The following PPP2R2C variants were observed in gnomAD, a reference collection of about 807,000 sequenced individuals.
PPP2R2C encodes protein phosphatase 2 regulatory subunit Bgamma.
A neutral mutation model predicts 45.3 loss-of-function variants in PPP2R2C; 10 were observed. The observed-to-expected ratio is 0.22, with a 90% CI of 0.14 to 0.37. PPP2R2C has a LOEUF of 0.37. Ranked by LOEUF, PPP2R2C falls within the 10% of genes least tolerant of loss-of-function variation. PPP2R2C has a pLI of 1.00. For synonymous variants in PPP2R2C, 257 were observed against 245.4 expected (o/e 1.05, Z -0.44); for missense variants, 308 against 619.7 (o/e 0.50, Z 5.34).
chr4:6,530,214 C>T (rs1048722215), intron 2 of PPP2R2C, among the ~76,000 whole-genome samples: 1 of 152,092 alleles, frequency 6.6e-6, no homozygotes, highest in African/African-American at 2.4e-5. Flanking sequence ...AGGTACACAC[C>T]GTGAAAAAGC....
chr4:6,419,018 A>G (rs573327550), intron 1 of PPP2R2C, among the ~76,000 whole-genome samples: 2 of 152,362 alleles, frequency 1.3e-5, no homozygotes, highest in African/African-American at 4.8e-5. Context: ...GTGCCCACTC[A>G]GCTTCGCATG....
chr4:6,479,180 G>C (rs1722265842), intron 2 of PPP2R2C, among the ~76,000 whole-genome samples: 1 of 152,204 alleles, frequency 6.6e-6, no homozygotes, highest in African/African-American at 2.4e-5. Flanking sequence ...CCAGGTCTGT[G>C]ATTCCAGGGC....
At chr4:6,414,688 G>T (rs1388174006) in intron 1 of PPP2R2C, among the ~76,000 whole-genome samples, 2 of 151,982 alleles carry the variant, frequency 1.3e-5, no homozygotes, top group Non-Finnish European at 2.9e-5. Context: ...GGGAACTCTT[G>T]TTGGGCTCCT....
intron 4 of PPP2R2C, among the ~76,000 whole-genome samples, chr4:6,372,958 C>T (rs1714974985): frequency 6.6e-6 from 1 of 152,250 alleles, no homozygotes; most frequent in Admixed American, 6.5e-5. Flanking sequence ...ATTTCCTCAA[C>T]TCTAAAATGA....
intron 1 of PPP2R2C, among the ~76,000 whole-genome samples, chr4:6,553,046 G>A (rs983527034): frequency 6.6e-6 from 1 of 152,220 alleles, no homozygotes; most frequent in African/African-American, 2.4e-5. Flanking sequence ...AGCATTTGGG[G>A]CACATAGGGA....
chr4:6,549,329 G>A (rs1012585207), intron 1 of PPP2R2C, among the ~76,000 whole-genome samples: 5 of 148,948 alleles, frequency 3.4e-5, no homozygotes, highest in African/African-American at 1.2e-4. Flanking sequence ...CACAGAACAC[G>A]CCAGGCTCAT....
At position 6,413,905 on chromosome 4, in the gene PPP2R2C, G is replaced by A. The variant is rs555814058; in HGVS notation, c.71-32811C>T. 128 of 1,536,060 alleles carry A rather than the reference G, an allele frequency of 8.3e-5. No individual in the cohort carries two copies. In the East Asian group the frequency reaches 1.4e-3, roughly 17 times the overall value. On this transcript the variant is annotated intron_variant, in intron 1 of 8. Transcript: ENST00000382599. ...GATGCCCCACAGCCCCTGCTCACCC[G>A]TGTCTCTCTTTCCCATCAGCGTCTT...
intron 6 of PPP2R2C, among the ~76,000 whole-genome samples, chr4:6,335,523 G>A (rs1012613573): frequency 6.6e-5 from 10 of 152,146 alleles, no homozygotes; most frequent in Non-Finnish European, 1.2e-4. Context: ...CATGGGCCAC[G>A]GAGAGGGGTG....
chr4:6,446,009 C>T (rs1720397225), intron 1 of PPP2R2C, among the ~76,000 whole-genome samples: 1 of 152,228 alleles, frequency 6.6e-6, no homozygotes, highest in Non-Finnish European at 1.5e-5. Context: ...CTTCCTGGTG[C>T]ACATGGGTGT....
At chr4:6,343,562 C>CA (rs958350241) in intron 6 of PPP2R2C, among the ~76,000 whole-genome samples, 10 of 151,846 alleles carry the variant, frequency 6.6e-5, no homozygotes, top group African/African-American at 2.4e-4. Context: ...ACTAAAAATA[C>CA]AAAAAAAATT....
chr4:6,536,328 A>G (rs944073905), intron 1 of PPP2R2C, among the ~76,000 whole-genome samples: 1 of 152,270 alleles, frequency 6.6e-6, no homozygotes, highest in Admixed American at 6.5e-5. Context: ...TTTCCTCACT[A>G]TGTAAAGAAC....
chr4:6,339,506 C>T (rs150747911), intron 6 of PPP2R2C, among the ~76,000 whole-genome samples: 2,203 of 152,390 alleles, frequency 0.014, 31 homozygotes, highest in Admixed American at 0.025. Context: ...GTGGCACTTG[C>T]TCTGTGGCCC....
intron 1 of PPP2R2C, 91 bp downstream of exon 1, chr4:6,472,069 T>A: frequency 2.7e-6 from 4 of 1,507,484 alleles, no homozygotes; most frequent in Non-Finnish European, 3.6e-6. Flanking sequence ...ACGACACACA[T>A]CGCGCGGTCC....
At chr4:6,515,965 G>A (rs1472366351) in intron 2 of PPP2R2C, among the ~76,000 whole-genome samples, 1 of 152,210 alleles carries the variant, frequency 6.6e-6, no homozygotes, top group Admixed American at 6.5e-5. Context: ...GAGTTCTCCT[G>A]TGTGTGTCAT....
At chr4:6,551,599 A>G (rs142055510) in intron 1 of PPP2R2C, among the ~76,000 whole-genome samples, 2 of 152,338 alleles carry the variant, frequency 1.3e-5, no homozygotes, top group Non-Finnish European at 2.9e-5. Context: ...AGGCCACACA[A>G]CTGCCATCTT....
intron 1 of PPP2R2C, among the ~76,000 whole-genome samples, chr4:6,552,077 A>G (rs1030272770): frequency 2.0e-5 from 3 of 152,238 alleles, no homozygotes; most frequent in African/African-American, 7.2e-5. Context: ...TGTGCTACAC[A>G]TCTGAGCCTA....
chr4:6,340,906 C>T (rs1199509778), intron 6 of PPP2R2C, among the ~76,000 whole-genome samples: 7 of 152,276 alleles, frequency 4.6e-5, no homozygotes, highest in African/African-American at 7.2e-5. Context: ...AGGGCCCTCA[C>T]ATGGGCTGTT....
chr4:6,362,584 G>A (rs13124487), intron 5 of PPP2R2C, among the ~76,000 whole-genome samples: 78,972 of 152,128 alleles, frequency 0.52, 23,438 homozygotes, highest in South Asian at 0.69. Context: ...CAACAAAGCT[G>A]GGCAGGCCAT....
At chr4:6,415,254 C>T (rs1379038437) in intron 1 of PPP2R2C, among the ~76,000 whole-genome samples, 1 of 152,206 alleles carries the variant, frequency 6.6e-6, no homozygotes, top group Non-Finnish European at 1.5e-5. Context: ...GGGCTCAGAG[C>T]CCCTCTGAAA....
Sources: gnomAD v4.1 joint callset for allele counts (sites outside exome capture counted in the v4.1 genomes callset) on GRCh38, gnomAD v4.1.1 for gene constraint, MANE v1.5 for transcripts, NCBI Gene and HGNC (gene_info 2026-07-23, HGNC 2026-07-21) for gene names.